CTNNA2: variants seen among roughly 807,000 people sequenced by gnomAD.
CTNNA2 encodes catenin alpha 2.
In CTNNA2, 42 loss-of-function variants were observed where a neutral mutation model predicts 101.0. The observed-to-expected ratio is 0.42, with a 90% confidence interval of 0.32 to 0.54. CTNNA2 has a LOEUF of 0.54. CTNNA2 is among the 20% of genes least tolerant of loss of function. The pLI is 0.14. For missense variants in CTNNA2, 871 were observed against 1,223.1 expected (o/e 0.71, Z 4.29); for synonymous variants, 450 against 456.4 (o/e 0.99, Z 0.18).
At chr2:80,479,427 G>A (rs945972417) in intron 9 of CTNNA2, among the ~76,000 whole-genome samples, 1 of 152,134 alleles carries the variant, frequency 6.6e-6, no homozygotes, top group Non-Finnish European at 1.5e-5. Flanking sequence ...AGAATCATCT[G>A]ACCTAAAATG....
intron 1 of CTNNA2, among the ~76,000 whole-genome samples, chr2:79,572,778 G>A (rs903228708): frequency 2.6e-5 from 4 of 152,250 alleles, no homozygotes; most frequent in Non-Finnish European, 5.9e-5. Context: ...TAAGGCCAGT[G>A]TATATGATCT....
At chr2:79,994,451 T>C (rs548248751) in intron 7 of CTNNA2, among the ~76,000 whole-genome samples, 40 of 152,204 alleles carry the variant, frequency 2.6e-4, no homozygotes, top group Admixed American at 1.5e-3. Context: ...CTTCAGAGAG[T>C]GGCTTTTTGA....
intron 7 of CTNNA2, among the ~76,000 whole-genome samples, chr2:80,038,130 G>A (rs142933080): frequency 8.5e-5 from 13 of 152,198 alleles, no homozygotes; most frequent in Middle Eastern, 3.4e-3. Context: ...ACTCCAGTAC[G>A]ATCTGGCATG....
intron 7 of CTNNA2, among the ~76,000 whole-genome samples, chr2:80,148,382 G>T (rs1703484378): frequency 6.6e-6 from 1 of 152,202 alleles, no homozygotes; most frequent in African/African-American, 2.4e-5. Flanking sequence ...GTGGGCAATA[G>T]AATCCCAAAG....
At chr2:79,612,301 A>G (rs1187296332) in intron 1 of CTNNA2, among the ~76,000 whole-genome samples, 1 of 152,168 alleles carries the variant, frequency 6.6e-6, no homozygotes, top group Admixed American at 6.6e-5. Flanking sequence ...ACTGTCAACT[A>G]AGGGGAAGCC....
chr2:79,472,953 T>G (rs1402819336), intron 4 of CTNNA2, among the ~76,000 whole-genome samples: 4 of 152,208 alleles, frequency 2.6e-5, no homozygotes, highest in Non-Finnish European at 4.4e-5. Flanking sequence ...CACTAGAACA[T>G]GAACAGAATT....
At chr2:79,640,319 G>A (rs770559210) in intron 1 of CTNNA2, among the ~76,000 whole-genome samples, 2 of 152,116 alleles carry the variant, frequency 1.3e-5, no homozygotes, top group Admixed American at 6.6e-5. Flanking sequence ...GACTTCCTAG[G>A]AGGCATTGTG....
intron 7 of CTNNA2, among the ~76,000 whole-genome samples, chr2:80,120,591 C>T (rs1049477519): frequency 8.5e-5 from 13 of 152,124 alleles, no homozygotes; most frequent in East Asian, 3.9e-4. Flanking sequence ...GCTGTAGACA[C>T]GGCAGTCACC....
chr2:79,666,901 A>G (rs1043042304), intron 2 of CTNNA2, among the ~76,000 whole-genome samples: 7 of 152,188 alleles, frequency 4.6e-5, no homozygotes, highest in Admixed American at 4.6e-4. Context: ...CCACCTCTCA[A>G]GCATGGTGTC....
Position 80,297,444 on chromosome 2 carries a change from A to G in CTNNA2, c.1057-95767A>G, listed in dbSNP as rs76237097. ...ATTGTGATCTAGATAAAGGCACCAT[A>G]CCAGCGACTGCTCAGTAAATTGTAT... On this transcript the variant is annotated intron_variant, in intron 7 of 18. Transcript: ENST00000402739. 4.1e-3 allele frequency among the ~76,000 whole-genome samples: 623 copies of G among 152,326 alleles called. 17 individuals carry two copies. Among genetic ancestry groups the G allele is most frequent in the Admixed American group, 0.034 (521 of 15,304 alleles).
intron 18 of CTNNA2, among the ~76,000 whole-genome samples, chr2:80,621,590 A>G (rs1032431532): frequency 3.3e-5 from 5 of 152,090 alleles, no homozygotes; most frequent in Admixed American, 2.0e-4. Flanking sequence ...CCTTTGTGTT[A>G]TTCTAATTAT....
intron 11 of CTNNA2, among the ~76,000 whole-genome samples, chr2:80,550,351 G>T (rs553567758): frequency 8.5e-5 from 13 of 152,168 alleles, no homozygotes; most frequent in Admixed American, 1.3e-4. Context: ...TCAGAGTGGT[G>T]GTTCCTGTGT....
At chr2:79,684,655 A>C (rs898246736) in intron 2 of CTNNA2, among the ~76,000 whole-genome samples, 2 of 152,154 alleles carry the variant, frequency 1.3e-5, no homozygotes, top group Non-Finnish European at 2.9e-5. Context: ...AACCAAACCC[A>C]AAAAAATGGT....
chr2:79,319,725 G>T (rs1676575282), intron 3 of CTNNA2: 2 of 152,128 alleles, frequency 1.3e-5, no homozygotes, highest in South Asian at 4.1e-4. Flanking sequence ...TTTCTGGAAG[G>T]TAAGAATAAA....
intron 7 of CTNNA2, among the ~76,000 whole-genome samples, chr2:80,234,172 A>G (rs1224713877): frequency 6.6e-6 from 1 of 151,862 alleles, no homozygotes; most frequent in East Asian, 1.9e-4. Flanking sequence ...TCAGCCTCCC[A>G]AGGTACGCAC....
intron 7 of CTNNA2, among the ~76,000 whole-genome samples, chr2:80,036,468 G>C (rs190031214): frequency 6.6e-6 from 1 of 152,130 alleles, no homozygotes; most frequent in Non-Finnish European, 1.5e-5. Flanking sequence ...AGCCTGGTGT[G>C]GTGGGATGTG....
chr2:80,322,907 T>C (rs1678857823), intron 7 of CTNNA2, among the ~76,000 whole-genome samples: 4 of 152,222 alleles, frequency 2.6e-5, no homozygotes, highest in Non-Finnish European at 5.9e-5. Flanking sequence ...CCCATGCAGT[T>C]CCCTTTGTAG....
chr2:79,388,520 T>C (rs1239923113), intron 4 of CTNNA2, among the ~76,000 whole-genome samples: 2 of 152,166 alleles, frequency 1.3e-5, no homozygotes, highest in Non-Finnish European at 2.9e-5. Flanking sequence ...AGTTAAGAAA[T>C]ATAAAACAAG....
chr2:80,146,726 T>G (rs868345168), intron 7 of CTNNA2, among the ~76,000 whole-genome samples: 10,024 of 113,092 alleles, frequency 0.089, 487 homozygotes, highest in African/African-American at 0.16. Context: ...TTTTTTTTTT[T>G]TTTTTTTTTT....
Sources: gnomAD v4.1 joint callset for allele counts (sites outside exome capture counted in the v4.1 genomes callset) on GRCh38, gnomAD v4.1.1 for gene constraint, MANE v1.5 for transcripts, NCBI Gene and HGNC (gene_info 2026-07-23, HGNC 2026-07-21) for gene names.